Variants in LIPT1 observed in about 807,000 individuals in gnomAD.
LIPT1 encodes lipoyl amidotransferase LIPT1, mitochondrial.
In LIPT1, 22 loss-of-function variants were observed where a neutral mutation model predicts 25.1. The observed-to-expected ratio is 0.88, with a 90% CI of 0.63 to 1.25. The LOEUF (loss-of-function observed/expected upper bound fraction) is 1.25. LIPT1 is among the 50% of genes most tolerant of loss of function. LIPT1 has a pLI of 0.00. For synonymous variants in LIPT1, 131 were observed against 150.8 expected (o/e 0.87, Z 0.96); for missense variants, 399 against 432.8 (o/e 0.92, Z 0.69).
At chr2:99,155,312 C>A in intron 1 of LIPT1, 1 of 370,674 alleles carries the variant, frequency 2.7e-6, no homozygotes, top group South Asian at 2.0e-5. Context: ...GTGTGCACGC[C>A]CCCTGGGAGC....
intron 1 of LIPT1, among the ~76,000 whole-genome samples, chr2:99,160,621 A>G (rs2093779767): frequency 6.6e-6 from 1 of 152,240 alleles, no homozygotes; most frequent in South Asian, 2.1e-4. Flanking sequence ...TTTCATTAGC[A>G]ATGGTAACAT....
In LIPT1 at chr2:99,162,788, A is replaced by G. The variant is rs754164819; in HGVS notation, c.831A>G (p.Pro277=). The change falls in exon 2 of 2, where the codon CCA becomes CCG. Residue 277 remains proline, a synonymous_variant. Coordinates refer to ENST00000651691, the MANE Select transcript of LIPT1 (RefSeq NM_145199.3). Reference sequence around the variant, plus strand: ...GGGAGTGGATATATGGCAAAACTCCAAAGTTTAGTATAAATACTTCCTTTC... The same window carrying G: ...GGGAGTGGATATATGGCAAAACTCCGAAGTTTAGTATAAATACTTCCTTTC... ...QTWEWIYGKT[P]KFSINTSFHV... is the part of the protein sequence containing the mutation. 1.9e-6 allele frequency: 3 copies of G among 1,614,106 alleles called. No individual in the cohort carries two copies. The highest frequency in any genetic ancestry group is 1.1e-5 in the South Asian group (1 of 91,082).
In LIPT1 at chr2:99,162,097, T is replaced by C. The variant is rs1294298171; in HGVS notation, c.140T>C (p.Val47Ala). 3.1e-6 allele frequency: 5 copies of C among 1,614,064 alleles called. No individual in the cohort carries two copies. In the Admixed American group the frequency reaches 6.7e-5, roughly 22 times the overall value. The change falls in exon 2 of 2, where the codon GTG (valine) becomes GCG (alanine). Residue 47 changes from valine (V) to alanine (A), a missense_variant. Val to Ala is a moderately conservative substitution (Grantham distance 64). Coordinates refer to ENST00000651691, the MANE Select transcript of LIPT1 (RefSeq NM_145199.3). ...ISNDVYQNLA[V>A]EDWIHDHMNL... ...AATGATGTCTATCAAAATCTGGCTG[T>C]GGAAGACTGGATCCATGACCATATG...
In LIPT1 at chr2:99,154,982, C is replaced by T; in HGVS notation, c.-71C>T. Reference sequence around the variant, plus strand: ...CATCGCGCGCAAGGCCTGCCGGTTGCTCGGGGTCGTATGACGCACTTTTCC... The same window carrying T: ...CATCGCGCGCAAGGCCTGCCGGTTGTTCGGGGTCGTATGACGCACTTTTCC... On this transcript the variant is annotated 5_prime_UTR_variant, in exon 1 of 2. Transcript: ENST00000651691. The T allele has an allele frequency of 2.2e-6, 1 of 455,970 alleles. No homozygotes were observed. The highest frequency in any genetic ancestry group is 4.4e-6 in the Non-Finnish European group (1 of 226,744). 28.2% of individuals were successfully genotyped at this position (455,970 alleles called of 1,614,324 possible).
At chr2:99,161,254 A>C in intron 1 of LIPT1, among the ~76,000 whole-genome samples, 1 of 10,154 alleles carries the variant, frequency 9.8e-5, no homozygotes. Flanking sequence ...TCCGTCTCAA[A>C]AAAAAAAAAA....
chr2:99,156,994 C>T (rs2093760725), intron 1 of LIPT1, among the ~76,000 whole-genome samples: 1 of 152,186 alleles, frequency 6.6e-6, no homozygotes, highest in African/African-American at 2.4e-5. Context: ...TCATATTTGC[C>T]AAACATGAAT....
intron 1 of LIPT1, among the ~76,000 whole-genome samples, chr2:99,158,283 C>T (rs187734863): frequency 7.2e-4 from 110 of 152,242 alleles, no homozygotes; most frequent in African/African-American, 2.4e-3. Context: ...ATTCTCCATG[C>T]TTAAAATCTC....
intron 1 of LIPT1, among the ~76,000 whole-genome samples, chr2:99,158,039 C>G (rs927634237): frequency 1.3e-5 from 2 of 152,182 alleles, no homozygotes; most frequent in African/African-American, 4.8e-5. Context: ...TATGTATTAG[C>G]TCATCAGACT....
intron 1 of LIPT1, 39 bp from the exon 2 acceptor site, chr2:99,161,918 T>G: frequency 6.7e-7 from 1 of 1,488,448 alleles, no homozygotes; most frequent in South Asian, 1.3e-5. Context: ...ATGTTCCTTT[T>G]CTCGATGAAT....
chr2:99,157,089 C>A (rs2093761086), intron 1 of LIPT1, among the ~76,000 whole-genome samples: 1 of 152,228 alleles, frequency 6.6e-6, no homozygotes, highest in Admixed American at 6.5e-5. Context: ...TAAACCACTT[C>A]CCTAAAGTCA....
intron 1 of LIPT1, among the ~76,000 whole-genome samples, chr2:99,156,091 TC>T: frequency 6.6e-6 from 1 of 152,310 alleles, no homozygotes; most frequent in South Asian, 2.1e-4. Context: ...TTCTTATCTT[TC>T]GGGGTTCAAC....
intron 1 of LIPT1, among the ~76,000 whole-genome samples, chr2:99,155,779 C>G (rs1373802590): frequency 6.6e-6 from 1 of 152,222 alleles, no homozygotes; most frequent in African/African-American, 2.4e-5. Flanking sequence ...GAATCCACGC[C>G]TTCTCTAGGG....
chr2:99,158,429 CAAAAAAAA>C (rs753259893), intron 1 of LIPT1, among the ~76,000 whole-genome samples: 8 of 96,606 alleles, frequency 8.3e-5, no homozygotes, highest in Non-Finnish European at 1.3e-4. Flanking sequence ...TTCATCTCTA[CAAAAAAAA>C]AAAAAAAAAA....
chr2:99,160,402 C>T (rs1030331031), intron 1 of LIPT1, among the ~76,000 whole-genome samples: 1 of 152,120 alleles, frequency 6.6e-6, no homozygotes. Context: ...ATAAAAAAGC[C>T]TAGCTACCTA....
intron 1 of LIPT1, among the ~76,000 whole-genome samples, chr2:99,159,701 G>A (rs1423801916): frequency 6.6e-6 from 1 of 152,152 alleles, no homozygotes; most frequent in East Asian, 1.9e-4. Flanking sequence ...CTTGTTGAAT[G>A]AATATGGTAC....
chr2:99,161,222 A>G (rs2093784342), intron 1 of LIPT1, among the ~76,000 whole-genome samples: 1 of 133,614 alleles, frequency 7.5e-6, no homozygotes, highest in African/African-American at 2.9e-5. Flanking sequence ...ACAGCATTCC[A>G]GCCTGGGTGA....
intron 1 of LIPT1, chr2:99,155,408 GTC>G: frequency 2.2e-6 from 1 of 450,806 alleles, no homozygotes; most frequent in South Asian, 1.6e-5. Flanking sequence ...AAATAATAGG[GTC>G]TTGGCGAGGT....
At chr2:99,155,880 G>A (rs1284048264) in intron 1 of LIPT1, among the ~76,000 whole-genome samples, 1 of 152,242 alleles carries the variant, frequency 6.6e-6, no homozygotes, top group Non-Finnish European at 1.5e-5. Context: ...TTCATATCAT[G>A]TAACTCAGTC....
At chr2:99,161,321 TATATATATATATATATAG>T (rs2093790329) in intron 1 of LIPT1, 1 of 99,668 alleles carries the variant, frequency 1.0e-5, no homozygotes, top group African/African-American at 4.2e-5. Context: ...TATATATATA[TATATATATATATATATAG>T]ATTGAATGTC....
Sources: gnomAD v4.1 joint callset for allele counts (sites outside exome capture counted in the v4.1 genomes callset) on GRCh38, gnomAD v4.1.1 for gene constraint, MANE v1.5 for transcripts, NCBI Gene and HGNC (gene_info 2026-07-23, HGNC 2026-07-21) for gene names.